CACNA1G: variants seen among roughly 807,000 people sequenced by gnomAD.
CACNA1G encodes calcium voltage-gated channel subunit alpha1 G, also known as voltage-dependent T-type calcium channel subunit alpha-1G.
In CACNA1G, 67 loss-of-function variants were observed where a neutral mutation model predicts 219.4. The observed-to-expected ratio is 0.31, with a 90% confidence interval of 0.25 to 0.37. The LOEUF (loss-of-function observed/expected upper bound fraction) is 0.37. CACNA1G is among the 10% of genes least tolerant of loss of function. The pLI, the probability that CACNA1G is intolerant of heterozygous loss-of-function variation, is 1.00. For synonymous variants in CACNA1G, 1,296 were observed against 1,345.3 expected, an observed-to-expected ratio of 0.96 and a Z score of 0.80; for missense variants, 2,380 against 3,231.4, an observed-to-expected ratio of 0.74 and a Z score of 6.39.
Position 50,603,392 on chromosome 17 carries a change from G to A in CACNA1G, c.4169+193G>A, listed in dbSNP as rs758977821. Among the ~76,000 whole-genome samples the A allele has an allele frequency of 1.3e-5, 2 of 152,204 alleles. No homozygotes were observed. The highest frequency in any genetic ancestry group is 2.4e-5 in the African/African-American group (1 of 41,442). On this transcript the variant is annotated intron_variant, in intron 21 of 37. Coordinates refer to ENST00000359106, the MANE Select transcript of CACNA1G (RefSeq NM_018896.5). The surrounding 1 kb of genome is among the most constrained non-coding windows in gnomAD (Gnocchi z 6.4). ...CGGCCGCAGTAATTTCCCTCCAGGT[G>A]CACACCTGCTTTCCTCCTCTTCAAC...
chr17:50,618,905 C>G lies in CACNA1G; in HGVS notation c.5678C>G (p.Pro1893Arg). 1 of 1,609,206 alleles carries G rather than the reference C, an allele frequency of 6.2e-7. No individual in the cohort carries two copies. Among genetic ancestry groups the G allele is most frequent in the African/African-American group, 1.3e-5 (1 of 74,976 alleles). The change falls in exon 33 of 38, where the codon CCT becomes CGT. Residue 1893 changes from proline to arginine, a missense_variant. By Grantham distance (103) the Pro-to-Arg change is moderately radical. Coordinates refer to ENST00000359106, the MANE Select transcript of CACNA1G (RefSeq NM_018896.5). This position sits in a 1 kb window ranked among gnomAD's most constrained non-coding sequence, Gnocchi z 5.3. Reference protein sequence around the residue: ...HSPLGSPFLWPGVEGPDSPDS... With the variant: ...HSPLGSPFLWRGVEGPDSPDS... ...CCACTGGGCAGCCCCTTCCTCTGGC[C>G]TGGGGTCGAGGGCCCCGACAGCCCC...
At chr17:50,605,030 C>G (rs748454424) in intron 22 of CACNA1G, among the ~76,000 whole-genome samples, 2 of 152,104 alleles carry the variant, frequency 1.3e-5, no homozygotes, top group Non-Finnish European at 2.9e-5. Context: ...TAGAAATTCT[C>G]TAGCCCTAGG....
chr17:50,575,470 T>C (rs999568214), intron 7 of CACNA1G, 73 bp from the exon 8 acceptor site: 43 of 1,438,254 alleles, frequency 3.0e-5, no homozygotes, highest in Non-Finnish European at 3.7e-5. Context: ...TAGGAATGCC[T>C]CCGTATGTGG....
At chr17:50,573,230 GT>G in intron 7 of CACNA1G, 117 bp downstream of exon 7, 2 of 716,036 alleles carry the variant, frequency 2.8e-6, no homozygotes, top group Non-Finnish European at 4.9e-6. Context: ...GACAAGTCCT[GT>G]AGAGAGGGCA....
At chr17:50,607,581 C>T (rs1598583458) in intron 24 of CACNA1G, 2 of 500,572 alleles carry the variant, frequency 4.0e-6, no homozygotes, top group Non-Finnish European at 7.1e-6. Context: ...GAAGACTGGG[C>T]TTGCATTCCC....
At chr17:50,616,033 C>T (rs2050497102) in intron 27 of CACNA1G, among the ~76,000 whole-genome samples, 1 of 152,224 alleles carries the variant, frequency 6.6e-6, no homozygotes, top group South Asian at 2.1e-4. Context: ...CATGTGATCT[C>T]CTCACCATCT....
chr17:50,599,017 C>T (rs1355940110), intron 16 of CACNA1G, among the ~76,000 whole-genome samples: 5 of 152,326 alleles, frequency 3.3e-5, no homozygotes, highest in African/African-American at 9.6e-5. Flanking sequence ...TGTGAGCCAC[C>T]GTGCCCAGCC....
At chr17:50,595,785 C>T (rs1454391052) in intron 14 of CACNA1G, among the ~76,000 whole-genome samples, 1 of 152,226 alleles carries the variant, frequency 6.6e-6, no homozygotes, top group Non-Finnish European at 1.5e-5. Context: ...CCCTGGAGAT[C>T]CCACTTGATA....
intron 27 of CACNA1G, 56 bp from the exon 28 acceptor site, chr17:50,616,218 GA>G (rs2050566196): frequency 3.8e-6 from 4 of 1,060,414 alleles, no homozygotes; most frequent in Non-Finnish European, 5.8e-6. Flanking sequence ...GGGGCGGGGG[GA>G]CAAGCCCCAG....
Position 50,607,000 on chromosome 17 carries a change from G to C in CACNA1G, c.4512+11G>C. The C allele has an allele frequency of 6.2e-7, 1 of 1,605,998 alleles. No individual in the cohort carries two copies. The highest frequency in any genetic ancestry group is 8.5e-7 in the Non-Finnish European group (1 of 1,172,606). On this transcript the variant is annotated intron_variant, in intron 24 of 37. Transcript: ENST00000359106. ...GGCGTGGACCAGCAGGTAGGGCTGA[G>C]GTGGGCAGGATCCATCTGTGGGCTC...
intron 4 of CACNA1G, among the ~76,000 whole-genome samples, chr17:50,570,743 C>A (rs1036600347): frequency 3.3e-5 from 5 of 152,134 alleles, no homozygotes; most frequent in Non-Finnish European, 7.4e-5. Context: ...CTCTGTCTAA[C>A]CACCGGTGTA....
At chr17:50,565,137 ACACACG>A (rs2037344101) in intron 1 of CACNA1G, among the ~76,000 whole-genome samples, 1 of 136,436 alleles carries the variant, frequency 7.3e-6, no homozygotes, top group Non-Finnish European at 1.5e-5. Flanking sequence ...GCGCGCACAC[ACACACG>A]CGCACACACA....
chr17:50,612,625 T>C (rs2049473570), intron 26 of CACNA1G, among the ~76,000 whole-genome samples: 2 of 152,210 alleles, frequency 1.3e-5, no homozygotes, highest in South Asian at 2.1e-4. Context: ...TGCCTACTCA[T>C]TGCCACTCCC....
At position 50,600,966 on chromosome 17, in the gene CACNA1G, TGGAGG is replaced by T; in HGVS notation, c.3792-82_3792-78del. The T allele has an allele frequency of 6.3e-7, 1 of 1,589,342 alleles. No homozygotes were observed. The highest frequency in any genetic ancestry group is 8.6e-7 in the Non-Finnish European group (1 of 1,164,320). On this transcript the variant is annotated intron_variant, in intron 18 of 37. Coordinates refer to ENST00000359106, the MANE Select transcript of CACNA1G (RefSeq NM_018896.5). The surrounding 1 kb of genome is among the most constrained non-coding windows in gnomAD (Gnocchi z 4.1). ...AGGGTGGCCTCAGCTGGGAGGGCAC[TGGAGG>T]GGCAGGGGCTGCGGGCGGTGCCTCT...
chr17:50,624,849 C>T (rs1164390858), intron 37 of CACNA1G, among the ~76,000 whole-genome samples: 1 of 152,178 alleles, frequency 6.6e-6, no homozygotes, highest in Non-Finnish European at 1.5e-5. Flanking sequence ...CCAGAGCTGC[C>T]TCCCAATTCT....
Position 50,571,852 on chromosome 17 carries a change from C to G in CACNA1G, c.587-26C>G, listed in dbSNP as rs772850393. ...CAGCCTAGCCCGGCCAGCCTGGTGTCCCCAGCGTGGCTTCTGCCCCCACAG... is the reference window on the plus strand; with the variant it reads ...CAGCCTAGCCCGGCCAGCCTGGTGTGCCCAGCGTGGCTTCTGCCCCCACAG... On this transcript the variant is annotated intron_variant, in intron 4 of 37. Transcript: ENST00000359106. The surrounding 1 kb of genome is among the most constrained non-coding windows in gnomAD (Gnocchi z 4.3). 1 of 1,611,774 alleles carries G rather than the reference C, an allele frequency of 6.2e-7. No individual in the cohort carries two copies. The highest frequency in any genetic ancestry group is 1.3e-5 in the African/African-American group (1 of 75,048).
chr17:50,569,721 G>A lies in CACNA1G; in HGVS notation c.504G>A (p.Ser168=), dbSNP rs1485118292. The change falls in exon 4 of 38, where the codon TCG becomes TCA. Residue 168 remains serine (S), a synonymous_variant. Coordinates refer to ENST00000359106, the MANE Select transcript of CACNA1G (RefSeq NM_018896.5). ...FIVIAGMLEY[S]LDLQNVSFSA... ...CTCCCTGCAGGATGCTGGAGTACTC[G>A]CTGGACCTGCAGAACGTCAGCTTCT... The A allele has an allele frequency of 3.9e-6, 6 of 1,550,282 alleles. No homozygotes were observed. Among genetic ancestry groups the A allele is most frequent in the South Asian group, 2.4e-5 (2 of 84,054 alleles).
Position 50,606,984 on chromosome 17 carries a change from C to A in CACNA1G, c.4507C>A (p.Gln1503Lys). The A allele has an allele frequency of 3.1e-6, 5 of 1,612,990 alleles. No individual in the cohort carries two copies. Among genetic ancestry groups the A allele is most frequent in the Non-Finnish European group, 4.2e-6 (5 of 1,179,012 alleles). The part of the protein sequence containing the change: ...YDGLDAVGVD[Q>K]QPIMNHNPWM... The stretch of plus-strand genomic sequence containing the variant: ...TGGGCTGGATGCTGTGGGCGTGGAC[C>A]AGCAGGTAGGGCTGAGGTGGGCAGG... The change falls in exon 24 of 38, where the codon CAG (glutamine) becomes AAG (lysine). Residue 1503 changes from glutamine to lysine, a missense_variant. Transcript: ENST00000359106.
At chr17:50,612,770 G>C (rs1567737748) in intron 26 of CACNA1G, among the ~76,000 whole-genome samples, 1 of 152,216 alleles carries the variant, frequency 6.6e-6, no homozygotes, top group Non-Finnish European at 1.5e-5. Context: ...GGCTGCCCTA[G>C]ATATGCCCTT....
Sources: gnomAD v4.1 joint callset for allele counts (sites outside exome capture counted in the v4.1 genomes callset) on GRCh38, gnomAD v4.1.1 for gene constraint, Gnocchi (gnomAD v3.1) non-coding constraint, MANE v1.5 for transcripts, NCBI Gene and HGNC (gene_info 2026-07-23, HGNC 2026-07-21) for gene names.